The following LUC7L2 variants were observed in gnomAD, a reference collection of about 807,000 sequenced individuals.
The protein encoded by LUC7L2 is LUC7 like 2, pre-mRNA splicing factor.
In LUC7L2, 25 loss-of-function variants were observed where a neutral mutation model predicts 52.8. The observed-to-expected ratio is 0.47, with a 90% CI of 0.34 to 0.66. The LOEUF (loss-of-function observed/expected upper bound fraction) is 0.66, where lower values mean the gene tolerates loss of function less well. Ranked by LOEUF, LUC7L2 falls within the 30% of genes least tolerant of loss-of-function variation. LUC7L2 has a pLI of 0.01. For synonymous variants in LUC7L2, 144 were observed against 160.9 expected (o/e 0.89, Z 0.80); for missense variants, 328 against 497.8 (o/e 0.66, Z 3.25).
chr7:139,369,333 A>G (rs1484293758), intron 1 of LUC7L2, among the ~76,000 whole-genome samples: 7 of 152,212 alleles, frequency 4.6e-5, no homozygotes, highest in Admixed American at 2.6e-4. Context: ...AACCTATTTT[A>G]GGACTTAATG....
At chr7:139,359,567 C>T (rs999323924), upstream of LUC7L2, 17 of 360,080 alleles carry the variant, frequency 4.7e-5, no homozygotes, top group Non-Finnish European at 8.0e-5. Context: ...TCTCTACTTA[C>T]TTTCCGCCCA....
intron 2 of LUC7L2, among the ~76,000 whole-genome samples, chr7:139,377,777 T>C (rs1254823507): frequency 6.7e-6 from 1 of 149,974 alleles, no homozygotes; most frequent in Non-Finnish European, 1.5e-5. Flanking sequence ...TTTGTCCACC[T>C]CAGCCTCCCA....
chr7:139,371,569 G>T, intron 1 of LUC7L2: 1 of 1,319,104 alleles, frequency 7.6e-7, no homozygotes, highest in Non-Finnish European at 1.0e-6. Flanking sequence ...TGGGGGGAGG[G>T]GGCGGATATT....
Position 139,423,100 on chromosome 7 carries a change from G to C in LUC7L2, c.*760G>C, listed in dbSNP as rs541623322. 1 of 398,692 alleles carries C rather than the reference G, an allele frequency of 2.5e-6. No individual in the cohort carries two copies. Among genetic ancestry groups the C allele is most frequent in the East Asian group, 3.6e-5 (1 of 28,080 alleles). 24.7% of individuals were successfully genotyped at this position (398,692 alleles called of 1,614,324 possible). A position where few individuals can be genotyped will look rare whatever the true frequency, so the allele number is the denominator to read the frequency against. ...TATTTTGTGTGTGTGGAGTATAAAG[G>C]CTACACCCTTATTGTAAAAAAATAA... On this transcript the variant is annotated 3_prime_UTR_variant, in exon 10 of 10. Coordinates refer to ENST00000354926, the MANE Select transcript of LUC7L2 (RefSeq NM_016019.5).
intron 1 of LUC7L2, 61 bp downstream of exon 1, chr7:139,360,383 T>C (rs1799806286): frequency 6.7e-7 from 1 of 1,496,678 alleles, no homozygotes; most frequent in Non-Finnish European, 9.0e-7. Context: ...AGGGAAGGGG[T>C]TCCGAGGGCG....
At chr7:139,390,998 C>T (rs1417457474) in intron 2 of LUC7L2, among the ~76,000 whole-genome samples, 1 of 152,220 alleles carries the variant, frequency 6.6e-6, no homozygotes, top group African/African-American at 2.4e-5. Flanking sequence ...TGCTTGTGCA[C>T]ACAAGCTTGT....
intron 1 of LUC7L2, among the ~76,000 whole-genome samples, chr7:139,364,381 C>T (rs1800038659): frequency 6.6e-6 from 1 of 152,050 alleles, no homozygotes; most frequent in Admixed American, 6.6e-5. Flanking sequence ...GGCAGCCTGC[C>T]CTCCAAAACA....
At chr7:139,349,085 C>T (rs1563250150) in intron 1 of LUC7L2, among the ~76,000 whole-genome samples, 2 of 151,972 alleles carry the variant, frequency 1.3e-5, no homozygotes, top group South Asian at 2.1e-4. Flanking sequence ...ACCCGGGAGG[C>T]GGAGGTTGCA....
At chr7:139,350,043 T>C (rs1348344355) in intron 1 of LUC7L2, among the ~76,000 whole-genome samples, 1 of 152,212 alleles carries the variant, frequency 6.6e-6, no homozygotes, top group Non-Finnish European at 1.5e-5. Context: ...TTTTCCAGTA[T>C]TTTATCTAAA....
chr7:139,402,903 C>A, intron 4 of LUC7L2, among the ~76,000 whole-genome samples: 1 of 152,214 alleles, frequency 6.6e-6, no homozygotes, highest in Middle Eastern at 3.2e-3. Context: ...AAGACTCCCT[C>A]ATGTTACCCC....
At position 139,383,571 on chromosome 7, in the gene LUC7L2, T is replaced by C. The variant is rs1278961797; in HGVS notation, c.156+7415T>C. On this transcript the variant is annotated intron_variant, in intron 2 of 9. Coordinates refer to ENST00000354926, the MANE Select transcript of LUC7L2 (RefSeq NM_016019.5). The stretch of plus-strand genomic sequence containing the variant: ...GGATTAGAGGTGCTGCACGCCACCA[T>C]GCCTGGCTAATTGTTTGTATTTTTA... 3.4e-5 allele frequency among the ~76,000 whole-genome samples: 5 copies of C among 147,690 alleles called. No homozygotes were observed. In the East Asian group the frequency reaches 1.0e-3, roughly 30 times the overall value.
At chr7:139,341,447 G>C (rs1400188296) in intron 1 of LUC7L2, 1 of 1,613,450 alleles carries the variant, frequency 6.2e-7, no homozygotes, top group Non-Finnish European at 8.5e-7. Context: ...TGCGCTACCT[G>C]AGCGCGGCCA....
chr7:139,404,996 G>A (rs1302326365), intron 4 of LUC7L2, among the ~76,000 whole-genome samples: 1 of 152,222 alleles, frequency 6.6e-6, no homozygotes, highest in Non-Finnish European at 1.5e-5. Flanking sequence ...CTGAGCACTA[G>A]AGATACAAAG....
Position 139,379,431 on chromosome 7 carries a change from G to A in LUC7L2, c.156+3275G>A, listed in dbSNP as rs558837538. On this transcript the variant is annotated intron_variant, in intron 2 of 9. Transcript: ENST00000354926. ...TATATCAAGCACTTAGAGATGGAGA[G>A]TGTGATTTCTAAATATTCTCTTCAT... is the stretch of plus-strand genomic sequence containing the variant. Among the ~76,000 whole-genome samples the A allele has an allele frequency of 1.3e-5, 2 of 151,062 alleles. 1 individual carries two copies. Among genetic ancestry groups the A allele is most frequent in the African/African-American group, 4.9e-5 (2 of 41,076 alleles).
chr7:139,367,397 A>G (rs181958216), intron 1 of LUC7L2, among the ~76,000 whole-genome samples: 7 of 152,346 alleles, frequency 4.6e-5, no homozygotes, highest in African/African-American at 1.7e-4. Context: ...AAATACAATG[A>G]AAACAAAATG....
At chr7:139,347,216 C>T (rs1171484720) in intron 1 of LUC7L2, among the ~76,000 whole-genome samples, 1 of 152,200 alleles carries the variant, frequency 6.6e-6, no homozygotes, top group African/African-American at 2.4e-5. Flanking sequence ...CAGTGACTTA[C>T]ACATTGCATG....
chr7:139,422,360 C>T lies in LUC7L2; in HGVS notation c.*20C>T, dbSNP rs777531974. ...ATCTAACTAGCTGTGTACATTTCTT[C>T]AGTCCTTAAGCTTCCTACGGAGTTA... is the stretch of plus-strand genomic sequence containing the variant. On this transcript the variant is annotated 3_prime_UTR_variant, in exon 10 of 10. Transcript: ENST00000354926. 6.3e-7 allele frequency: 1 copy of T among 1,597,904 alleles called. No individual in the cohort carries two copies. The highest frequency in any genetic ancestry group is 1.1e-5 in the South Asian group (1 of 88,148).
At chr7:139,376,586 C>T (rs1207851123) in intron 2 of LUC7L2, among the ~76,000 whole-genome samples, 3 of 152,114 alleles carry the variant, frequency 2.0e-5, no homozygotes, top group Non-Finnish European at 4.4e-5. Flanking sequence ...TATATCCACA[C>T]AGCTTAATTT....
At chr7:139,390,555 T>TA (rs1391595479) in intron 2 of LUC7L2, among the ~76,000 whole-genome samples, 2 of 130,296 alleles carry the variant, frequency 1.5e-5, no homozygotes, top group African/African-American at 3.7e-5. Context: ...TTAGACAATG[T>TA]AGTTTTTTTT....
Sources: allele counts gnomAD v4.1 joint callset (sites outside exome capture counted in the v4.1 genomes callset), GRCh38; gene constraint gnomAD v4.1.1; transcripts MANE v1.5; gene names NCBI Gene and HGNC (gene_info 2026-07-23, HGNC 2026-07-21).